The following SNX19 variants were observed in gnomAD, a reference collection of about 807,000 sequenced individuals.
SNX19 encodes sorting nexin-19.
Under a neutral mutation model 85.2 loss-of-function variants are expected in SNX19, and 60 were observed. The observed-to-expected ratio is 0.70, with a 90% CI of 0.57 to 0.87. The LOEUF is 0.87. SNX19 is among the 40% of genes least tolerant of loss of function. SNX19 has a pLI of 0.00. For synonymous variants in SNX19, 520 were observed against 470.0 expected (o/e 1.11, Z -1.38); for missense variants, 1,201 against 1,217.8 (o/e 0.99, Z 0.21).
At chr11:130,881,917 T>G (rs1243990504) in intron 8 of SNX19, among the ~76,000 whole-genome samples, 3 of 152,210 alleles carry the variant, frequency 2.0e-5, no homozygotes, top group African/African-American at 7.2e-5. Context: ...TCTTGTACTT[T>G]AAAAAAACTC....
intron 8 of SNX19, among the ~76,000 whole-genome samples, chr11:130,902,709 A>T (rs1463042557): frequency 2.6e-5 from 4 of 152,246 alleles, no homozygotes; most frequent in Non-Finnish European, 5.9e-5. Context: ...TGGTGTGAGG[A>T]TTACAAAGAC....
intron 8 of SNX19, chr11:130,894,837 A>C: frequency 2.0e-6 from 2 of 985,400 alleles, no homozygotes; most frequent in Non-Finnish European, 2.4e-6. Context: ...ATCTCACAAG[A>C]TCTAGCTGTT....
intron 9 of SNX19, 50 bp from the exon 10 acceptor site, chr11:130,879,761 G>A (rs750471912): frequency 2.0e-6 from 3 of 1,536,578 alleles, no homozygotes; most frequent in Non-Finnish European, 2.7e-6. Context: ...TGAAGTTTTA[G>A]ATTCTAAGGA....
intron 5 of SNX19, among the ~76,000 whole-genome samples, chr11:130,907,697 C>T (rs1162545857): frequency 6.6e-6 from 1 of 152,192 alleles, no homozygotes; most frequent in Non-Finnish European, 1.5e-5. Context: ...AATATTCTTC[C>T]TAGTCAAACA....
intron 8 of SNX19, chr11:130,894,823 A>G: frequency 1.0e-6 from 1 of 985,474 alleles, no homozygotes; most frequent in African/African-American, 1.7e-5. Context: ...TCTAAATGAC[A>G]CCTATCTCAC....
rs755484465 is a variant in SNX19, at chr11:130,874,026, GT to G, written c.*4395del. Reference sequence around the variant, plus strand: ...GCCAATGAGTCATAAGAGGTTTTTTGTTTTTTTTTTTTTTATTTGGGGTCTC... The same window carrying G: ...GCCAATGAGTCATAAGAGGTTTTTTGTTTTTTTTTTTTTATTTGGGGTCTC... On this transcript the variant is annotated 3_prime_UTR_variant, in exon 11 of 11. Transcript: ENST00000265909. Among the ~76,000 whole-genome samples the G allele has an allele frequency of 7.9e-4, 89 of 113,168 alleles. No individual in the cohort carries two copies. Among genetic ancestry groups the G allele is most frequent in the Middle Eastern group, 4.0e-3 (1 of 248 alleles). The allele number at this position is 113,168 out of a possible 152,430, so 74.2% of individuals were successfully genotyped here. A position where few individuals can be genotyped will look rare whatever the true frequency, so the allele number is the denominator to read the frequency against.
intron 8 of SNX19, among the ~76,000 whole-genome samples, chr11:130,896,111 C>T (rs897461672): frequency 3.3e-5 from 5 of 152,182 alleles, no homozygotes; most frequent in Admixed American, 6.5e-5. Context: ...AGAAAATAAG[C>T]GAGAATTCTG....
Position 130,874,029 on chromosome 11 carries a change from T to G in SNX19, c.*4393A>C, listed in dbSNP as rs1943126417. 8.1e-6 allele frequency among the ~76,000 whole-genome samples: 1 copy of G among 123,682 alleles called. No homozygotes were observed. The highest frequency in any genetic ancestry group is 2.9e-5 in the African/African-American group (1 of 34,740). 81.1% of individuals were successfully genotyped at this position (123,682 alleles called of 152,430 possible). A position where few individuals can be genotyped will look rare whatever the true frequency, so the allele number is the denominator to read the frequency against. On this transcript the variant is annotated 3_prime_UTR_variant, in exon 11 of 11. Transcript: ENST00000265909. ...AATGAGTCATAAGAGGTTTTTTGTT[T>G]TTTTTTTTTTTATTTGGGGTCTCAC...
intron 8 of SNX19, chr11:130,894,849 T>C (rs531245929): frequency 3.0e-6 from 3 of 985,462 alleles, no homozygotes; most frequent in Admixed American, 1.2e-4. Context: ...CTAGCTGTTA[T>C]ACCTTCCTCT....
chr11:130,892,011 T>G (rs974678668), intron 8 of SNX19, among the ~76,000 whole-genome samples: 1 of 151,680 alleles, frequency 6.6e-6, no homozygotes, highest in African/African-American at 2.4e-5. Flanking sequence ...CGGCAAATTT[T>G]TTTTGTATTT....
At chr11:130,902,294 T>C (rs1945312882) in intron 8 of SNX19, among the ~76,000 whole-genome samples, 1 of 152,262 alleles carries the variant, frequency 6.6e-6, no homozygotes, top group East Asian at 1.9e-4. Context: ...CATCATCTTC[T>C]TTCACTTGGT....
intron 8 of SNX19, among the ~76,000 whole-genome samples, chr11:130,893,340 T>G (rs1260629354): frequency 6.6e-6 from 1 of 152,146 alleles, no homozygotes; most frequent in African/African-American, 2.4e-5. Flanking sequence ...ATGGGAGGAC[T>G]TCAAATTATG....
Position 130,867,381 on chromosome 11 carries a change from AG to A in SNX19, c.*11040del, listed in dbSNP as rs1942811422. On this transcript the variant is annotated 3_prime_UTR_variant, in exon 11 of 11. Transcript: ENST00000265909. Reference sequence around the variant, plus strand: ...AAACGCTCTGGGACATGAACATAAAAGTGCAACCTAGATGATCAGTGCCACC... The same window carrying A: ...AAACGCTCTGGGACATGAACATAAAATGCAACCTAGATGATCAGTGCCACC... 6.6e-6 allele frequency: 1 copy of A among 152,254 alleles called. No homozygotes were observed. The highest frequency in any genetic ancestry group is 2.4e-5 in the African/African-American group (1 of 41,464). 9.4% of individuals were successfully genotyped at this position (152,254 alleles called of 1,614,324 possible). A position where few individuals can be genotyped will look rare whatever the true frequency, so the allele number is the denominator to read the frequency against.
chr11:130,906,935 C>A (rs1362990317), intron 5 of SNX19, among the ~76,000 whole-genome samples: 1 of 152,234 alleles, frequency 6.6e-6, no homozygotes, highest in Non-Finnish European at 1.5e-5. Flanking sequence ...TTAACGCATA[C>A]ACTAAGCTAT....
rs1945653885 is a variant in SNX19, at chr11:130,906,146, C to G, written c.2263-13G>C. ...GAGTCTCAGACTCCTAAGAAATAGTCAGTGGCATATCACATATGGAATGCT... is the reference window on the plus strand; with the variant it reads ...GAGTCTCAGACTCCTAAGAAATAGTGAGTGGCATATCACATATGGAATGCT... On this transcript the variant is annotated splice_polypyrimidine_tract_variant and intron_variant, in intron 6 of 10. Coordinates refer to ENST00000265909, the MANE Select transcript of SNX19 (RefSeq NM_014758.3). 1 of 1,610,992 alleles carries G rather than the reference C, an allele frequency of 6.2e-7. No individual in the cohort carries two copies. Among genetic ancestry groups the G allele is most frequent in the African/African-American group, 1.3e-5 (1 of 74,844 alleles).
At chr11:130,888,092 T>C (rs1040167952) in intron 8 of SNX19, among the ~76,000 whole-genome samples, 1 of 126,942 alleles carries the variant, frequency 7.9e-6, no homozygotes, top group Non-Finnish European at 1.7e-5. Context: ...TCCACACAGG[T>C]ACATTACAAA....
rs1361617000 is a variant in SNX19, at chr11:130,872,657, G to C, written c.*5765C>G. On this transcript the variant is annotated 3_prime_UTR_variant, in exon 11 of 11. Transcript: ENST00000265909. ...TTTCATTTTCTTGTCTACAAAGGCA[G>C]GGTGAGCGACTGCTGCCCTGTGATT... Among the ~76,000 whole-genome samples the C allele has an allele frequency of 6.6e-6, 1 of 152,162 alleles. No homozygotes were observed. Among genetic ancestry groups the C allele is most frequent in the African/African-American group, 2.4e-5 (1 of 41,452 alleles).
Position 130,906,040 on chromosome 11 carries a change from C to A in SNX19, c.2356G>T (p.Asp786Tyr), listed in dbSNP as rs1350290580. ...EMQPTKAPEK[D>Y]PEQPPKGRVD... ...CGTCCTTTGGGAGGTTGTTCAGGAT[C>A]TTTTTCTGGGGCTTTTGTTGGCTGC... is the stretch of plus-strand genomic sequence containing the variant. Residue 786 changes from aspartate to tyrosine, a missense_variant, in exon 7 of 11, where the codon GAT becomes TAT. Asp to Tyr is a radical substitution (Grantham distance 160). Coordinates refer to ENST00000265909, the MANE Select transcript of SNX19 (RefSeq NM_014758.3). The A allele has an allele frequency of 6.2e-7, 1 of 1,614,082 alleles. No homozygotes were observed. The highest frequency in any genetic ancestry group is 1.3e-5 in the African/African-American group (1 of 74,940).
rs1946362490 is a variant in SNX19 at position 130,914,275 on chromosome 11, A to G, written c.1665T>C (p.Tyr555=). The change falls in exon 1 of 11, where the codon TAT becomes TAC. Residue 555 remains tyrosine (Y), a synonymous_variant. Transcript: ENST00000265909. ...SGTGFHPYTL[Y]TVKYETALDG... Reference sequence around the variant, plus strand: ...GCTTTAATCCTGTTACCTTCACAGTATAGAGTGTGTATGGGTGGAATCCAG... The same window carrying G: ...GCTTTAATCCTGTTACCTTCACAGTGTAGAGTGTGTATGGGTGGAATCCAG... 3 of 1,578,600 alleles carry G rather than the reference A, an allele frequency of 1.9e-6. No individual in the cohort carries two copies. The highest frequency in any genetic ancestry group is 1.2e-5 in the South Asian group (1 of 83,922).
Sources: gnomAD v4.1 joint callset for allele counts (sites outside exome capture counted in the v4.1 genomes callset) on GRCh38, gnomAD v4.1.1 for gene constraint, MANE v1.5 for transcripts, NCBI Gene and HGNC (gene_info 2026-07-23, HGNC 2026-07-21) for gene names.